The following CDH13 variants were observed in gnomAD, a reference collection of about 807,000 sequenced individuals.
CDH13 encodes cadherin-13.
CDH13 carries 24 observed loss-of-function variants against 63.8 expected under a neutral mutation model. That is an observed-to-expected ratio of 0.38 (90% CI 0.27 to 0.53). CDH13 has a LOEUF of 0.53. CDH13 is among the 20% of genes least tolerant of loss of function. The pLI, the probability that CDH13 is intolerant of heterozygous loss-of-function variation, is 0.85. For missense variants in CDH13, 1,049 were observed against 903.1 expected, an observed-to-expected ratio of 1.16 and a Z score of -2.07; for synonymous variants, 503 against 355.3, an observed-to-expected ratio of 1.42 and a Z score of -4.67.
At chr16:83,664,649 C>T (rs1293070237) in intron 8 of CDH13, among the ~76,000 whole-genome samples, 2 of 151,870 alleles carry the variant, frequency 1.3e-5, no homozygotes, top group East Asian at 1.9e-4. Flanking sequence ...GTTTACATTT[C>T]ACATTTTGTG....
chr16:83,742,170 G>A (rs184146406), intron 10 of CDH13, among the ~76,000 whole-genome samples: 1 of 152,340 alleles, frequency 6.6e-6, no homozygotes, highest in Admixed American at 6.5e-5. Flanking sequence ...GTCCTTCCAG[G>A]TCAACAGCTG....
chr16:82,835,809 A>T (rs573790341), intron 1 of CDH13, among the ~76,000 whole-genome samples: 5 of 152,180 alleles, frequency 3.3e-5, no homozygotes, highest in Admixed American at 6.5e-5. Flanking sequence ...CAAACCAAGG[A>T]CATTTAATTC....
intron 3 of CDH13, among the ~76,000 whole-genome samples, chr16:83,050,089 C>T (rs1404172954): frequency 6.6e-6 from 1 of 152,100 alleles, no homozygotes; most frequent in Non-Finnish European, 1.5e-5. Flanking sequence ...CATTAAGATA[C>T]TCAGGATTCT....
intron 4 of CDH13, among the ~76,000 whole-genome samples, chr16:83,148,260 C>A (rs2036834995): frequency 6.6e-6 from 1 of 152,050 alleles, no homozygotes; most frequent in African/African-American, 2.4e-5. Flanking sequence ...GTTTAAGGGG[C>A]CAGAGAGACC....
chr16:82,829,433 A>C (rs555640300), intron 1 of CDH13: 16 of 152,240 alleles, frequency 1.1e-4, no homozygotes, highest in African/African-American at 3.9e-4. Flanking sequence ...TGGAGGGGCC[A>C]GTATTGCATT....
chr16:83,069,484 T>C (rs1567800073), intron 3 of CDH13, among the ~76,000 whole-genome samples: 1 of 152,166 alleles, frequency 6.6e-6, no homozygotes, highest in Non-Finnish European at 1.5e-5. Context: ...AAGGTAGAAA[T>C]TGTTATTGTC....
chr16:83,643,551 A>G (rs193034637), intron 8 of CDH13, among the ~76,000 whole-genome samples: 23 of 152,170 alleles, frequency 1.5e-4, no homozygotes, highest in Admixed American at 1.4e-3. Context: ...TTAACCCAGC[A>G]CCTGCTACAT....
intron 5 of CDH13, among the ~76,000 whole-genome samples, chr16:83,304,586 G>A (rs1484261412): frequency 6.6e-6 from 1 of 152,082 alleles, no homozygotes; most frequent in African/African-American, 2.4e-5. Context: ...GATACATATG[G>A]GATCTTGGCC....
At chr16:83,378,088 G>C (rs76664740) in intron 6 of CDH13, among the ~76,000 whole-genome samples, 6,684 of 152,224 alleles carry the variant, frequency 0.044, 346 homozygotes, top group East Asian at 0.31. Flanking sequence ...AAAAAGCCAG[G>C]CATTTGCTTC....
At chr16:83,714,148 C>T (rs1257039192) in intron 10 of CDH13, among the ~76,000 whole-genome samples, 3 of 152,106 alleles carry the variant, frequency 2.0e-5, no homozygotes, top group African/African-American at 4.8e-5. Context: ...AAATAGATGC[C>T]GCAGAAGCCA....
At chr16:83,576,031 T>C (rs549468598) in intron 7 of CDH13, among the ~76,000 whole-genome samples, 10 of 152,354 alleles carry the variant, frequency 6.6e-5, no homozygotes, top group African/African-American at 2.2e-4. Flanking sequence ...AAACTAACCA[T>C]GTTAAAGTGA....
At chr16:82,875,060 A>G (rs569822578) in intron 2 of CDH13, among the ~76,000 whole-genome samples, 2 of 152,228 alleles carry the variant, frequency 1.3e-5, no homozygotes, top group Non-Finnish European at 2.9e-5. Context: ...GAGTCTGCAC[A>G]TGACAGCTTT....
At chr16:82,926,194 A>G (rs1422984720) in intron 2 of CDH13, among the ~76,000 whole-genome samples, 2 of 152,032 alleles carry the variant, frequency 1.3e-5, no homozygotes, top group East Asian at 1.9e-4. Context: ...CTTTGTTGCA[A>G]CTATTACTTC....
chr16:83,061,623 T>A (rs892651641), intron 3 of CDH13, among the ~76,000 whole-genome samples: 1 of 152,204 alleles, frequency 6.6e-6, no homozygotes, highest in Non-Finnish European at 1.5e-5. Context: ...TGTCACCAAA[T>A]GACTGTGACA....
intron 7 of CDH13, among the ~76,000 whole-genome samples, chr16:83,595,712 C>T (rs1034060101): frequency 5.9e-5 from 9 of 152,172 alleles, no homozygotes; most frequent in East Asian, 3.9e-4. Flanking sequence ...TTCCACTGAC[C>T]GCAATCAGCC....
intron 5 of CDH13, among the ~76,000 whole-genome samples, chr16:83,323,239 T>TTTCCTTCC (rs35173201): frequency 3.3e-4 from 37 of 110,850 alleles, no homozygotes; most frequent in East Asian, 1.4e-3. Flanking sequence ...TCTTTCTTTC[T>TTTCCTTCC]TTCCTTCCTT....
intron 1 of CDH13, among the ~76,000 whole-genome samples, chr16:82,748,742 C>T (rs1487027801): frequency 2.6e-5 from 4 of 152,184 alleles, no homozygotes; most frequent in African/African-American, 9.7e-5. Flanking sequence ...CCCAAGAGTA[C>T]TAGATGATCT....
intron 1 of CDH13, among the ~76,000 whole-genome samples, chr16:82,707,926 A>G (rs114452467): frequency 0.021 from 3,151 of 151,894 alleles, 98 homozygotes; most frequent in African/African-American, 0.069. Context: ...CCCAAATCCA[A>G]TGGCTTGATA....
intron 4 of CDH13, among the ~76,000 whole-genome samples, chr16:83,192,178 T>C (rs2038739716): frequency 6.6e-6 from 1 of 152,182 alleles, no homozygotes; most frequent in South Asian, 2.1e-4. Context: ...CTCCCAGAGA[T>C]TCCCCTTCCC....
Sources: allele counts gnomAD v4.1 joint callset (sites outside exome capture counted in the v4.1 genomes callset), GRCh38; gene constraint gnomAD v4.1.1; transcripts MANE v1.5; gene names NCBI Gene and HGNC (gene_info 2026-07-23, HGNC 2026-07-21).